The following CACHD1 variants were observed in gnomAD, a reference collection of about 807,000 sequenced individuals.
CACHD1 encodes the protein VWFA and cache domain-containing protein 1.
CACHD1 carries 71 observed loss-of-function variants against 138.7 expected under a neutral mutation model. The observed-to-expected ratio is 0.51, with a 90% CI of 0.42 to 0.62. CACHD1 has a LOEUF of 0.62. CACHD1 is among the 20% of genes least tolerant of loss of function. The probability of loss-of-function intolerance (pLI) is 0.00; values close to 1 mark genes in which losing one functional copy is unlikely to be tolerated. For synonymous variants in CACHD1, 578 were observed against 591.5 expected (o/e 0.98, Z 0.33); for missense variants, 1,389 against 1,625.3 (o/e 0.85, Z 2.50).
At chr1:64,593,080 G>A (rs1647120807) in intron 3 of CACHD1, among the ~76,000 whole-genome samples, 1 of 152,166 alleles carries the variant, frequency 6.6e-6, no homozygotes, top group Admixed American at 6.5e-5. Context: ...GAAAAATGAT[G>A]GATCCAGTAT....
chr1:64,540,103 G>T (rs1040102230), intron 1 of CACHD1, among the ~76,000 whole-genome samples: 3 of 152,174 alleles, frequency 2.0e-5, no homozygotes, highest in African/African-American at 7.2e-5. Flanking sequence ...AAGTCTGGAA[G>T]ATTAAGCATC....
chr1:64,529,631 A>C (rs976836748), intron 1 of CACHD1, among the ~76,000 whole-genome samples: 3 of 152,256 alleles, frequency 2.0e-5, no homozygotes, highest in Non-Finnish European at 4.4e-5. Flanking sequence ...TATTAACACA[A>C]CAGTCCTATG....
chr1:64,683,074 A>T (rs1019594092), intron 26 of CACHD1, among the ~76,000 whole-genome samples: 4 of 152,108 alleles, frequency 2.6e-5, no homozygotes, highest in Non-Finnish European at 5.9e-5. Flanking sequence ...TATCTACACT[A>T]AAAAATGCAA....
At chr1:64,626,566 C>T (rs1648108576) in intron 4 of CACHD1, among the ~76,000 whole-genome samples, 1 of 152,192 alleles carries the variant, frequency 6.6e-6, no homozygotes, top group South Asian at 2.1e-4. Flanking sequence ...AGGAACTTGG[C>T]CTCTGGCTTC....
chr1:64,532,004 G>A (rs1277518439), intron 1 of CACHD1, among the ~76,000 whole-genome samples: 1 of 152,184 alleles, frequency 6.6e-6, no homozygotes, highest in East Asian at 1.9e-4. Flanking sequence ...TAGGGATAAG[G>A]GTGGGGAGGA....
intron 19 of CACHD1, among the ~76,000 whole-genome samples, chr1:64,674,955 T>G (rs1649937206): frequency 1.3e-5 from 2 of 152,206 alleles, no homozygotes; most frequent in African/African-American, 4.8e-5. Context: ...TTTATTATTA[T>G]AAAAGGAAAA....
intron 1 of CACHD1, among the ~76,000 whole-genome samples, chr1:64,492,171 A>G (rs1325286948): frequency 6.6e-6 from 1 of 151,294 alleles, no homozygotes; most frequent in Non-Finnish European, 1.5e-5. Context: ...AATTGTTTTC[A>G]TCTAGGTAGC....
chr1:64,647,707 C>T, intron 8 of CACHD1, 94 bp from the exon 9 acceptor site: 2 of 1,007,432 alleles, frequency 2.0e-6, no homozygotes, highest in East Asian at 2.5e-5. Flanking sequence ...ATTACAAGAC[C>T]TCATCCATGC....
At chr1:64,574,069 T>G (rs1570380213) in intron 2 of CACHD1, among the ~76,000 whole-genome samples, 1 of 152,274 alleles carries the variant, frequency 6.6e-6, no homozygotes, top group East Asian at 1.9e-4. Flanking sequence ...GAGGTTGAAA[T>G]TGGGCTGGAA....
At chr1:64,569,173 A>C (rs1311723256) in intron 2 of CACHD1, among the ~76,000 whole-genome samples, 3 of 152,266 alleles carry the variant, frequency 2.0e-5, no homozygotes, top group African/African-American at 7.2e-5. Flanking sequence ...CACCCACCTC[A>C]GCCTCCCGAA....
chr1:64,559,709 T>C (rs1450676620), intron 2 of CACHD1, among the ~76,000 whole-genome samples: 1 of 152,192 alleles, frequency 6.6e-6, no homozygotes, highest in Non-Finnish European at 1.5e-5. Flanking sequence ...CCTTCCTCCT[T>C]TACTTTCTGA....
intron 1 of CACHD1, among the ~76,000 whole-genome samples, chr1:64,538,796 A>G (rs995989889): frequency 6.6e-6 from 1 of 152,210 alleles, no homozygotes; most frequent in Admixed American, 6.5e-5. Flanking sequence ...CTTCAGAAAA[A>G]CATCCAAAAC....
intron 2 of CACHD1, among the ~76,000 whole-genome samples, chr1:64,567,241 A>G (rs1419194758): frequency 1.3e-5 from 2 of 151,898 alleles, no homozygotes; most frequent in East Asian, 1.9e-4. Flanking sequence ...ACGTTGTTAA[A>G]TTGCAGGAGC....
chr1:64,486,369 T>TACACACAC (rs3078376), intron 1 of CACHD1, among the ~76,000 whole-genome samples: 2,462 of 145,114 alleles, frequency 0.017, 32 homozygotes, highest in Middle Eastern at 0.033. Context: ...CACACACACA[T>TACACACAC]ACACACACAC....
chr1:64,593,511 A>T (rs1446275645), intron 3 of CACHD1, among the ~76,000 whole-genome samples: 1 of 152,222 alleles, frequency 6.6e-6, no homozygotes, highest in Non-Finnish European at 1.5e-5. Context: ...AGGTCAAATA[A>T]TGTGACAAGC....
intron 1 of CACHD1, among the ~76,000 whole-genome samples, chr1:64,472,194 G>GTCGT (rs11451479): frequency 1.3e-5 from 2 of 151,882 alleles, no homozygotes; most frequent in African/African-American, 2.4e-5. Context: ...CTTCTTCGTC[G>GTCGT]CGTCGTCCTC....
At chr1:64,629,633 T>C (rs1648232242) in intron 5 of CACHD1, 152 bp downstream of exon 5, 5 of 985,094 alleles carry the variant, frequency 5.1e-6, no homozygotes, top group South Asian at 2.4e-5. Flanking sequence ...ATTTAGTATA[T>C]GTGGATGTGA....
chr1:64,629,932 G>A (rs1164020714), intron 5 of CACHD1, among the ~76,000 whole-genome samples: 1 of 152,074 alleles, frequency 6.6e-6, no homozygotes, highest in East Asian at 1.9e-4. Context: ...TTAACTATTA[G>A]AAGTTTTGAG....
At position 64,681,249 on chromosome 1, in the gene CACHD1, G is replaced by A. The variant is rs764389748; in HGVS notation, c.3407-9G>A. On this transcript the variant is annotated splice_polypyrimidine_tract_variant and intron_variant, in intron 24 of 26. Coordinates refer to ENST00000651257, the MANE Select transcript of CACHD1 (RefSeq NM_020925.4). ...ATAGTCATGTTTCTCTCTTTTTAAT[G>A]ATGGGTAGAAATGTCAGTGCGTATG... 1 of 1,608,800 alleles carries A rather than the reference G, an allele frequency of 6.2e-7. No individual in the cohort carries two copies. Among genetic ancestry groups the A allele is most frequent in the Non-Finnish European group, 8.5e-7 (1 of 1,175,346 alleles).
Sources: gnomAD v4.1 joint callset for allele counts (sites outside exome capture counted in the v4.1 genomes callset) on GRCh38, gnomAD v4.1.1 for gene constraint, MANE v1.5 for transcripts, NCBI Gene and HGNC (gene_info 2026-07-23, HGNC 2026-07-21) for gene names.